The following WDR20 variants were observed in gnomAD, a reference collection of about 807,000 sequenced individuals.
WDR20 encodes WD repeat domain 20.
In WDR20, 3 loss-of-function variants were observed where a neutral mutation model predicts 38.7. That is an observed-to-expected ratio of 0.08 (90% confidence interval 0.04 to 0.20). The LOEUF (loss-of-function observed/expected upper bound fraction) is 0.20, where lower values mean the gene tolerates loss of function less well. WDR20 is among the 10% of genes least tolerant of loss of function. WDR20 has a pLI of 1.00. For synonymous variants in WDR20, 298 were observed against 285.6 expected (o/e 1.04, Z -0.44); for missense variants, 559 against 727.7 (o/e 0.77, Z 2.67).
At chr14:102,149,938 C>T (rs2055153128) in intron 1 of WDR20, among the ~76,000 whole-genome samples, 1 of 152,020 alleles carries the variant, frequency 6.6e-6, no homozygotes, top group African/African-American at 2.4e-5. Context: ...CGTGATCCAC[C>T]CGCCTTGGCC....
chr14:102,140,353 G>T (rs1282708599), intron 1 of WDR20, 181 bp downstream of exon 1: 3 of 1,128,532 alleles, frequency 2.7e-6, no homozygotes, highest in Non-Finnish European at 3.7e-6. Context: ...GGGTGGTGGC[G>T]GTGGCGTTTC....
chr14:102,148,425 A>AGCT (rs2054440722), intron 1 of WDR20, among the ~76,000 whole-genome samples: 2 of 151,762 alleles, frequency 1.3e-5, no homozygotes, highest in South Asian at 4.2e-4. Context: ...CTGTGGCCCC[A>AGCT]GCTATTCAGG....
intron 1 of WDR20, among the ~76,000 whole-genome samples, chr14:102,151,379 T>C (rs2055796777): frequency 6.6e-6 from 1 of 151,366 alleles, no homozygotes. Flanking sequence ...AATTAGGAGG[T>C]GTTTTTTTGT....
At chr14:102,212,650 T>C (rs1289602570), downstream of WDR20, 1 of 1,531,652 alleles carries the variant, frequency 6.5e-7, no homozygotes, top group Non-Finnish European at 8.7e-7. Context: ...TCCTCGGCTG[T>C]GCTTCTGAGT....
At chr14:102,172,992 C>T (rs911701882) in intron 1 of WDR20, among the ~76,000 whole-genome samples, 1 of 150,536 alleles carries the variant, frequency 6.6e-6, no homozygotes, top group Non-Finnish European at 1.5e-5. Context: ...GGCAAAGGCA[C>T]TCCCCACATC....
At chr14:102,159,906 A>T (rs1181702565) in intron 1 of WDR20, among the ~76,000 whole-genome samples, 3 of 152,066 alleles carry the variant, frequency 2.0e-5, no homozygotes, top group African/African-American at 7.3e-5. Context: ...GGAATTTGAG[A>T]CCAGCCTGGG....
chr14:102,223,590 A>G (rs2153074432), exon 4 of WDR20: 1 of 151,096 alleles, frequency 6.6e-6, no homozygotes, highest in South Asian at 2.1e-4. Flanking sequence ...ATTGGGGAAA[A>G]TAGTTACTTC....
chr14:102,217,678 G>C (rs953990322), downstream of WDR20, among the ~76,000 whole-genome samples: 1 of 152,228 alleles, frequency 6.6e-6, no homozygotes, highest in East Asian at 1.9e-4. Context: ...TTCGGGTGCC[G>C]TGAATAAACC....
At chr14:102,193,375 G>C (rs1352863958) in intron 1 of WDR20, 12 of 1,405,650 alleles carry the variant, frequency 8.5e-6, no homozygotes, top group Middle Eastern at 1.8e-4. Context: ...CCTCGCTCCA[G>C]TCAGGACTCC....
At chr14:102,212,177 GTC>G (rs775007763), downstream of WDR20, among the ~76,000 whole-genome samples, 6 of 152,188 alleles carry the variant, frequency 3.9e-5, no homozygotes, top group Non-Finnish European at 8.8e-5. Context: ...GCCTGTGTGT[GTC>G]TTTCTCCCCC....
At chr14:102,217,570 G>A (rs1459777858), downstream of WDR20, among the ~76,000 whole-genome samples, 2 of 152,216 alleles carry the variant, frequency 1.3e-5, no homozygotes, top group Non-Finnish European at 2.9e-5. Flanking sequence ...AAACTGCACG[G>A]CAAGTCTGGG....
downstream of WDR20, among the ~76,000 whole-genome samples, chr14:102,215,288 GTA>G (rs1257923014): frequency 4.6e-5 from 7 of 152,200 alleles, no homozygotes; most frequent in East Asian, 1.3e-3. Context: ...GCTGAGCTGT[GTA>G]GAGGCTTCTG....
intron 1 of WDR20, among the ~76,000 whole-genome samples, chr14:102,178,256 G>A (rs1255422089): frequency 1.3e-5 from 2 of 152,044 alleles, no homozygotes; most frequent in Admixed American, 1.3e-4. Context: ...GCCAGGTGTG[G>A]TGGCATGAGC....
chr14:102,212,052 C>T (rs1261044231), downstream of WDR20, among the ~76,000 whole-genome samples: 2 of 152,082 alleles, frequency 1.3e-5, no homozygotes, highest in Non-Finnish European at 2.9e-5. Context: ...TGCAGGGGTA[C>T]ACTGACAGGT....
At chr14:102,147,986 C>G (rs1277009249) in intron 1 of WDR20, among the ~76,000 whole-genome samples, 1 of 152,182 alleles carries the variant, frequency 6.6e-6, no homozygotes, top group Non-Finnish European at 1.5e-5. Flanking sequence ...CTGCCTGGGC[C>G]TCCCAAAGTG....
intron 1 of WDR20, among the ~76,000 whole-genome samples, chr14:102,165,611 T>A (rs1386531938): frequency 6.6e-6 from 1 of 151,508 alleles, no homozygotes; most frequent in Non-Finnish European, 1.5e-5. Flanking sequence ...AAGACCTAAT[T>A]TTTTGTTTCT....
rs746756774 is a variant in WDR20 at position 102,139,919 on chromosome 14, C to G, written c.-5C>G. 14 of 1,611,928 alleles carry G rather than the reference C, an allele frequency of 8.7e-6. No individual in the cohort carries two copies. In the South Asian group the frequency reaches 1.4e-4, roughly 16 times the overall value. On this transcript the variant is annotated 5_prime_UTR_variant, in exon 1 of 3. Transcript: ENST00000342702. ...CTTAGGGCAGGATGAACGCTGCTTT[C>G]CAAGATGGCGACGGAGGGAGGAGGG...
chr14:102,195,374 A>G (rs1032773735), intron 2 of WDR20, among the ~76,000 whole-genome samples: 1 of 152,198 alleles, frequency 6.6e-6, no homozygotes, highest in Non-Finnish European at 1.5e-5. Context: ...AAACTCTTCT[A>G]TAATGGAGAT....
downstream of WDR20, chr14:102,214,520 G>A (rs879055021): frequency 5.3e-5 from 52 of 985,332 alleles, no homozygotes; most frequent in South Asian, 1.4e-3. Context: ...ATTCATTTCC[G>A]CATCTGTTAC....
Sources: gnomAD v4.1 joint callset for allele counts (sites outside exome capture counted in the v4.1 genomes callset) on GRCh38, gnomAD v4.1.1 for gene constraint, MANE v1.5 for transcripts, NCBI Gene and HGNC (gene_info 2026-07-23, HGNC 2026-07-21) for gene names.